PARL: variants seen among roughly 807,000 people sequenced by gnomAD.
PARL encodes the protein presenilin associated rhomboid like.
In PARL, 44 loss-of-function variants were observed where a neutral mutation model predicts 51.6. That is an observed-to-expected ratio of 0.85 (90% confidence interval 0.67 to 1.10). PARL has a LOEUF of 1.10. PARL is among the 50% of genes least tolerant of loss of function. The pLI, the probability that PARL is intolerant of heterozygous loss-of-function variation, is 0.00. For synonymous variants in PARL, 172 were observed against 164.0 expected, an observed-to-expected ratio of 1.05 and a Z score of -0.37; for missense variants, 441 against 469.5, an observed-to-expected ratio of 0.94 and a Z score of 0.56.
chr3:183,871,279 C>CTCAAAGTAAGGTGGTACTATAT (rs1301947697), intron 1 of PARL, among the ~76,000 whole-genome samples: 2 of 151,984 alleles, frequency 1.3e-5, no homozygotes, highest in Non-Finnish European at 2.9e-5. Flanking sequence ...TGGTACTATA[C>CTCAAAGTAAGGTGGTACTATAT]TCAAAGTAAG....
In PARL at chr3:183,867,761, C is replaced by G. The variant is rs982274702; in HGVS notation, c.321+104G>C. The G allele has an allele frequency of 3.7e-6, 3 of 816,200 alleles. No individual in the cohort carries two copies. In the South Asian group the frequency reaches 4.2e-5, roughly 11 times the overall value. 50.6% of individuals were successfully genotyped at this position (816,200 alleles called of 1,614,324 possible). On this transcript the variant is annotated intron_variant, in intron 2 of 9. Transcript: ENST00000317096. ...ATTCATGAGCCCAGCTCTTTTTGATCCCCCCTCTACCTGTCCTTACTTTAA... is the reference window on the plus strand; with the variant it reads ...ATTCATGAGCCCAGCTCTTTTTGATGCCCCCTCTACCTGTCCTTACTTTAA...
At chr3:183,856,931 A>G (rs1280848888) in intron 4 of PARL, among the ~76,000 whole-genome samples, 1 of 152,260 alleles carries the variant, frequency 6.6e-6, no homozygotes, top group Non-Finnish European at 1.5e-5. Context: ...ATACTTGTAC[A>G]AGGTACAGAG....
chr3:183,865,311 GA>G (rs937638333), intron 3 of PARL, among the ~76,000 whole-genome samples: 7 of 151,094 alleles, frequency 4.6e-5, no homozygotes, highest in African/African-American at 1.2e-4. Context: ...CTGTCTCTTA[GA>G]AAAAAAAATC....
downstream of PARL, among the ~76,000 whole-genome samples, chr3:183,827,652 C>A (rs990712659): frequency 6.6e-6 from 1 of 151,688 alleles, no homozygotes; most frequent in African/African-American, 2.4e-5. Context: ...AAATAAGAGG[C>A]GAGAGAGGGA....
chr3:183,880,872 G>C (rs1245661023), intron 1 of PARL, among the ~76,000 whole-genome samples: 7 of 152,128 alleles, frequency 4.6e-5, no homozygotes, highest in African/African-American at 1.7e-4. Flanking sequence ...CTGGAGGACA[G>C]TGGCGCCCTC....
At chr3:183,882,222 A>AAATATATATATATATATATATTT (rs1401913573) in intron 1 of PARL, among the ~76,000 whole-genome samples, 2 of 46,104 alleles carry the variant, frequency 4.3e-5, no homozygotes, top group Non-Finnish European at 8.0e-5. Context: ...AAAAAAAAAA[A>AAATATATATATATATATATATTT]ATATATATAT....
chr3:183,830,255 C>G (rs1185190346), intron 9 of PARL, among the ~76,000 whole-genome samples: 3 of 152,244 alleles, frequency 2.0e-5, no homozygotes, highest in Non-Finnish European at 4.4e-5. Flanking sequence ...GTTCACACAG[C>G]CTAACTGCGG....
At chr3:183,839,491 T>G (rs1729037436) in intron 7 of PARL, among the ~76,000 whole-genome samples, 1 of 152,112 alleles carries the variant, frequency 6.6e-6, no homozygotes, top group Non-Finnish European at 1.5e-5. Flanking sequence ...CAATCTCAGC[T>G]CACTGCAACC....
intron 4 of PARL, among the ~76,000 whole-genome samples, chr3:183,845,635 C>A (rs1729861242): frequency 6.6e-6 from 1 of 152,156 alleles, no homozygotes; most frequent in South Asian, 2.1e-4. Flanking sequence ...GGATCATACA[C>A]AAGGCAATGA....
At chr3:183,845,469 A>C (rs1729841409) in intron 4 of PARL, among the ~76,000 whole-genome samples, 1 of 152,214 alleles carries the variant, frequency 6.6e-6, no homozygotes, top group Admixed American at 6.5e-5. Context: ...ACATTAAATA[A>C]AATTTTACTG....
Position 183,884,754 on chromosome 3 carries a change from C to T in PARL, c.93G>A (p.Ala31=), listed in dbSNP as rs747710240. ...CGAGGAGCTGCGGCGGGGTTAGGAC[C>T]GCAGTGAGCTCCTCGCAGCTGCGGC... is the stretch of plus-strand genomic sequence containing the variant. ...VGGRSCEELT[A]VLTPPQLLGR... The change falls in exon 1 of 10, where the codon GCG becomes GCA. Residue 31 remains alanine, a synonymous_variant. Transcript: ENST00000317096. 2.5e-6 allele frequency: 4 copies of T among 1,579,754 alleles called. No individual in the cohort carries two copies. The Admixed American group carries it at 7.1e-5, about 28-fold the overall frequency.
chr3:183,869,511 C>T (rs1040106924), intron 1 of PARL, among the ~76,000 whole-genome samples: 1 of 151,692 alleles, frequency 6.6e-6, no homozygotes, highest in Non-Finnish European at 1.5e-5. Flanking sequence ...CCTGGCTATA[C>T]CTTATTATTA....
intron 4 of PARL, among the ~76,000 whole-genome samples, chr3:183,857,965 C>G (rs772478482): frequency 1.3e-5 from 2 of 152,178 alleles, no homozygotes; most frequent in Non-Finnish European, 2.9e-5. Context: ...CCCGAATCCA[C>G]CCAGTTCTAG....
intron 1 of PARL, among the ~76,000 whole-genome samples, chr3:183,869,231 G>C (rs1209079849): frequency 1.3e-5 from 2 of 152,086 alleles, no homozygotes; most frequent in African/African-American, 4.8e-5. Context: ...TTCTGAGACA[G>C]AGTCTTATTC....
chr3:183,828,508 GGAA>G (rs1206382515), downstream of PARL, among the ~76,000 whole-genome samples: 1 of 152,230 alleles, frequency 6.6e-6, no homozygotes, highest in Non-Finnish European at 1.5e-5. Context: ...CCTGTGCCTG[GGAA>G]GAATAACTGT....
At chr3:183,863,089 G>T (rs1732028462) in intron 3 of PARL, among the ~76,000 whole-genome samples, 1 of 152,140 alleles carries the variant, frequency 6.6e-6, no homozygotes, top group African/African-American at 2.4e-5. Context: ...TAGGTACCCA[G>T]CAGTGTTATC....
At chr3:183,882,271 A>ATATT (rs1553906166) in intron 1 of PARL, among the ~76,000 whole-genome samples, 1 of 101,768 alleles carries the variant, frequency 9.8e-6, no homozygotes, top group South Asian at 2.9e-4. Context: ...ATATATATTT[A>ATATT]TATATATATA....
At chr3:183,842,248 T>G (rs777114312) in intron 6 of PARL, 50 bp downstream of exon 6, 6 of 1,554,932 alleles carry the variant, frequency 3.9e-6, no homozygotes, top group Non-Finnish European at 4.4e-6. Context: ...GTTCTGCAGA[T>G]AGCTTAGAGT....
intron 7 of PARL, among the ~76,000 whole-genome samples, chr3:183,836,772 G>C (rs906182717): frequency 6.6e-6 from 1 of 152,114 alleles, no homozygotes; most frequent in Non-Finnish European, 1.5e-5. Context: ...TTGAGACAGA[G>C]TCTCGCTATT....
Sources: gnomAD v4.1 joint callset for allele counts (sites outside exome capture counted in the v4.1 genomes callset) on GRCh38, gnomAD v4.1.1 for gene constraint, MANE v1.5 for transcripts, NCBI Gene and HGNC (gene_info 2026-07-23, HGNC 2026-07-21) for gene names.